The following FLI1 variants were observed in gnomAD, a reference collection of about 807,000 sequenced individuals.
FLI1 encodes Fli-1 proto-oncogene, ETS transcription factor, also known as Friend leukemia integration 1 transcription factor.
In FLI1, 13 loss-of-function variants were observed where a neutral mutation model predicts 53.1. The observed-to-expected ratio is 0.24, with a 90% CI of 0.16 to 0.39. The LOEUF (loss-of-function observed/expected upper bound fraction) is 0.39. Among genes scored for constraint, FLI1 ranks in the 10% least tolerant of loss-of-function variants. The pLI is 1.00. For missense variants in FLI1, 424 were observed against 600.5 expected (o/e 0.71, Z 3.07); for synonymous variants, 244 against 236.7 (o/e 1.03, Z -0.28).
intron 2 of FLI1, among the ~76,000 whole-genome samples, chr11:128,763,287 T>C (rs572521198): frequency 2.0e-5 from 3 of 152,270 alleles, no homozygotes; most frequent in Admixed American, 2.0e-4. Flanking sequence ...TTGCCCATGT[T>C]GAGGGAGTTT....
At chr11:128,798,317 T>C (rs973466826) in intron 5 of FLI1, among the ~76,000 whole-genome samples, 2 of 152,072 alleles carry the variant, frequency 1.3e-5, no homozygotes, top group Non-Finnish European at 2.9e-5. Context: ...TCAAAATAAA[T>C]AGGTCATTTA....
Position 128,720,963 on chromosome 11 carries a change from C to A in FLI1, c.18+26687C>A, listed in dbSNP as rs1021208968. Among the ~76,000 whole-genome samples the A allele has an allele frequency of 3.3e-5, 5 of 152,158 alleles. 1 individual carries two copies. The highest frequency in any genetic ancestry group is 4.4e-5 in the Non-Finnish European group (3 of 68,024). Reference sequence around the variant, plus strand: ...GTGCAACAGAAGCCGCCTCTGGCCACCCCCGGCCCTTCCCCCTCCACCCAG... The same window carrying A: ...GTGCAACAGAAGCCGCCTCTGGCCAACCCCGGCCCTTCCCCCTCCACCCAG... On this transcript the variant is annotated intron_variant, in intron 1 of 8. Transcript: ENST00000527786.
intron 5 of FLI1, among the ~76,000 whole-genome samples, chr11:128,796,213 C>T (rs1378269860): frequency 6.6e-6 from 1 of 152,204 alleles, no homozygotes; most frequent in Non-Finnish European, 1.5e-5. Context: ...ACACCACCAA[C>T]AGTCCTATGC....
Position 128,812,796 on chromosome 11 carries a change from C to T in FLI1, c.*1808C>T, listed in dbSNP as rs555689028. ...CTGCCACTCCAGCAAAGAATAAGCG[C>T]CCTGCTTCCTTCAGGTCTCAGACCA... On this transcript the variant is annotated 3_prime_UTR_variant, in exon 9 of 9. Transcript: ENST00000527786. 3.8e-5 allele frequency: 8 copies of T among 213,280 alleles called. No homozygotes were observed. In the East Asian group the frequency reaches 5.0e-4, roughly 13 times the overall value. The allele number at this position is 213,280 out of a possible 1,614,324, so 13.2% of individuals were successfully genotyped here. A position where few individuals can be genotyped will look rare whatever the true frequency, so the allele number is the denominator to read the frequency against.
chr11:128,774,883 G>A (rs1941685059), intron 4 of FLI1, among the ~76,000 whole-genome samples: 1 of 152,086 alleles, frequency 6.6e-6, no homozygotes. Context: ...GGTGGTCACT[G>A]GTCGCCAGTA....
intron 5 of FLI1, 54 bp from the exon 6 acceptor site, chr11:128,805,312 C>A: frequency 8.9e-7 from 1 of 1,120,204 alleles, no homozygotes; most frequent in Non-Finnish European, 1.3e-6. Context: ...GCTCATGCAA[C>A]TTTTCTGAGA....
At position 128,754,693 on chromosome 11, in the gene FLI1, G is replaced by A. The variant is rs979451524; in HGVS notation, c.19-3422G>A. Among the ~76,000 whole-genome samples, 6 of 152,364 alleles carry A rather than the reference G, an allele frequency of 3.9e-5. No homozygotes were observed. The South Asian group carries it at 1.2e-3, about 32-fold the overall frequency. On this transcript the variant is annotated intron_variant, in intron 1 of 8. Coordinates refer to ENST00000527786, the MANE Select transcript of FLI1 (RefSeq NM_002017.5). ...AGCAGATTGTGGCAGGATGACAGCA[G>A]TATTCACAACTTGCAAGGGAGCTGG... is the stretch of plus-strand genomic sequence containing the variant.
intron 5 of FLI1, among the ~76,000 whole-genome samples, chr11:128,795,802 T>G (rs2268603): frequency 0.1 from 15,425 of 152,206 alleles, 942 homozygotes; most frequent in East Asian, 0.27. Context: ...TGCCTGCCTC[T>G]GCCTCCCAAA....
Position 128,758,120 on chromosome 11 carries a change from T to C in FLI1, c.24T>C (p.Ala8=). Residue 8 remains alanine, a synonymous_variant, in exon 2 of 9, where the codon GCT becomes GCC. Coordinates refer to ENST00000527786, the MANE Select transcript of FLI1 (RefSeq NM_002017.5). MDGTIKE[A]LSVVSDDQSL... The stretch of plus-strand genomic sequence containing the variant: ...TCTCTTCTCTGGCCCTGCAGGAGGC[T>C]CTGTCGGTGGTGAGCGACGACCAGT... 1.2e-6 allele frequency: 2 copies of C among 1,611,570 alleles called. No individual in the cohort carries two copies. Among genetic ancestry groups the C allele is most frequent in the Non-Finnish European group, 1.7e-6 (2 of 1,178,894 alleles).
chr11:128,797,685 C>A (rs1452529552), intron 5 of FLI1, among the ~76,000 whole-genome samples: 1 of 152,144 alleles, frequency 6.6e-6, no homozygotes, highest in African/African-American at 2.4e-5. Context: ...AGTAGACATT[C>A]AGTAAAACAT....
chr11:128,734,147 G>C (rs757782139), intron 1 of FLI1, among the ~76,000 whole-genome samples: 1 of 152,236 alleles, frequency 6.6e-6, no homozygotes, highest in Non-Finnish European at 1.5e-5. Flanking sequence ...GGTTAAAAGC[G>C]AGGTGGAGAG....
intron 1 of FLI1, among the ~76,000 whole-genome samples, chr11:128,742,204 G>T (rs1196018568): frequency 6.6e-6 from 1 of 152,140 alleles, no homozygotes; most frequent in Non-Finnish European, 1.5e-5. Flanking sequence ...AACTTAGCCA[G>T]TTCCATGGAG....
intron 1 of FLI1, among the ~76,000 whole-genome samples, chr11:128,720,846 G>T (rs1939223390): frequency 6.6e-6 from 1 of 152,172 alleles, no homozygotes; most frequent in Non-Finnish European, 1.5e-5. Flanking sequence ...TTGTAAGAAA[G>T]AGGCCAGGCC....
At chr11:128,777,403 C>T (rs1416845915) in intron 4 of FLI1, among the ~76,000 whole-genome samples, 1 of 152,178 alleles carries the variant, frequency 6.6e-6, no homozygotes, top group African/African-American at 2.4e-5. Flanking sequence ...TGAAACTGCG[C>T]GACCGGGAGA....
At chr11:128,770,213 A>C (rs1444956601) in intron 3 of FLI1, among the ~76,000 whole-genome samples, 1 of 152,236 alleles carries the variant, frequency 6.6e-6, no homozygotes, top group Non-Finnish European at 1.5e-5. Context: ...GGCTTGGCTG[A>C]GCCAAGTTAC....
chr11:128,775,252 C>T (rs764345019), intron 4 of FLI1, among the ~76,000 whole-genome samples: 1 of 151,970 alleles, frequency 6.6e-6, no homozygotes, highest in East Asian at 1.9e-4. Flanking sequence ...ATGAGAAGTG[C>T]TTAGGATACA....
intron 5 of FLI1, among the ~76,000 whole-genome samples, chr11:128,795,360 C>G (rs1942402587): frequency 6.6e-6 from 1 of 152,088 alleles, no homozygotes; most frequent in Admixed American, 6.6e-5. Context: ...GAGTTTTCTC[C>G]TGGCTCTTTT....
chr11:128,701,012 G>A (rs1318888133), intron 1 of FLI1, among the ~76,000 whole-genome samples: 1 of 152,218 alleles, frequency 6.6e-6, no homozygotes, highest in Non-Finnish European at 1.5e-5. Flanking sequence ...AAATGAAGAT[G>A]GAAGTGGCTC....
rs975547418 is a variant in FLI1, at chr11:128,772,885, T to C, written c.489T>C (p.Asp163=). The C allele has an allele frequency of 3.7e-6, 6 of 1,613,854 alleles. No individual in the cohort carries two copies. The highest frequency in any genetic ancestry group is 2.2e-5 in the South Asian group (2 of 91,090). The part of the protein sequence containing the change: ...EIDTSFFQNM[D]GKELCKMNKE... ...ACACATCCTTTTTCCAGAACATGGA[T>C]GGCAAGGAACTGTGTAAAATGAACA... The change falls in exon 4 of 9, where the codon GAT becomes GAC. Residue 163 remains aspartate, a synonymous_variant. Coordinates refer to ENST00000527786, the MANE Select transcript of FLI1 (RefSeq NM_002017.5).
Sources: allele counts gnomAD v4.1 joint callset (sites outside exome capture counted in the v4.1 genomes callset), GRCh38; gene constraint gnomAD v4.1.1; transcripts MANE v1.5; gene names NCBI Gene and HGNC (gene_info 2026-07-23, HGNC 2026-07-21).